CEP57: variants seen among roughly 807,000 people sequenced by gnomAD.
The protein encoded by CEP57 is centrosomal protein 57.
In CEP57, 40 loss-of-function variants were observed where a neutral mutation model predicts 68.0. The ratio of observed to expected loss-of-function variants is 0.59; its 90% CI spans 0.46 to 0.77. The LOEUF is 0.77. Ranked by LOEUF, CEP57 falls within the 30% of genes least tolerant of loss-of-function variation. The pLI, the probability that CEP57 is intolerant of heterozygous loss-of-function variation, is 0.00. For synonymous variants in CEP57, 219 were observed against 198.7 expected (o/e 1.10, Z -0.86); for missense variants, 606 against 580.7 (o/e 1.04, Z -0.45).
chr11:95,814,357 A>ATTTT (rs1170474932), intron 4 of CEP57, among the ~76,000 whole-genome samples: 5,750 of 109,692 alleles, frequency 0.052, 192 homozygotes, highest in Middle Eastern at 0.087. Context: ...CCTTGTGTGT[A>ATTTT]TTTTTTTTTT....
chr11:95,793,085 A>G (rs947524432), intron 1 of CEP57, among the ~76,000 whole-genome samples: 1 of 152,222 alleles, frequency 6.6e-6, no homozygotes, highest in Non-Finnish European at 1.5e-5. Context: ...TTACAGGCAA[A>G]GATTTTTAAC....
At chr11:95,805,614 G>A (rs1150349) in intron 2 of CEP57, among the ~76,000 whole-genome samples, 34,900 of 152,116 alleles carry the variant, frequency 0.23, 8,546 homozygotes, top group African/African-American at 0.62. Context: ...CCTACCTAGT[G>A]TATAGTTTAA....
chr11:95,827,606 A>G (rs1047022510), intron 8 of CEP57, 180 bp from the exon 9 acceptor site: 3 of 695,008 alleles, frequency 4.3e-6, no homozygotes, highest in Non-Finnish European at 7.1e-6. Flanking sequence ...ATTCTGAAAC[A>G]TAGTTAGTGG....
At chr11:95,819,266 C>T (rs1465711013) in intron 6 of CEP57, among the ~76,000 whole-genome samples, 1 of 152,158 alleles carries the variant, frequency 6.6e-6, no homozygotes, top group Non-Finnish European at 1.5e-5. Flanking sequence ...AGGTACTTCT[C>T]TTTGGTGGCC....
chr11:95,794,128 TTTC>T, intron 1 of CEP57: 1 of 359,848 alleles, frequency 2.8e-6, no homozygotes, highest in Non-Finnish European at 5.6e-6. Flanking sequence ...GTGCCATTCT[TTTC>T]ACTAGATCTT....
At chr11:95,807,772 G>A (rs2135294712) in intron 2 of CEP57, among the ~76,000 whole-genome samples, 1 of 152,304 alleles carries the variant, frequency 6.6e-6, no homozygotes, top group Middle Eastern at 3.4e-3. Flanking sequence ...CGGGGAGAAT[G>A]GAACCAAGTT....
chr11:95,820,473 C>A (rs188184294), intron 6 of CEP57, among the ~76,000 whole-genome samples: 108 of 151,444 alleles, frequency 7.1e-4, no homozygotes, highest in African/African-American at 2.5e-3. Flanking sequence ...TGCCTGTAAT[C>A]CTAGCTACTT....
chr11:95,812,280 A>G (rs570190256), intron 2 of CEP57, among the ~76,000 whole-genome samples: 1 of 152,200 alleles, frequency 6.6e-6, no homozygotes, highest in East Asian at 1.9e-4. Context: ...TATTAATAAG[A>G]CAGTAATGTA....
intron 2 of CEP57, among the ~76,000 whole-genome samples, chr11:95,811,104 T>C (rs569353936): frequency 6.6e-6 from 1 of 152,332 alleles, no homozygotes; most frequent in South Asian, 2.1e-4. Flanking sequence ...CAAAGGATTA[T>C]AAATCATGCT....
intron 4 of CEP57, chr11:95,815,037 G>A (rs1862245670): frequency 6.6e-6 from 1 of 152,208 alleles, no homozygotes. Flanking sequence ...GGAGAATAAT[G>A]TCAAGAGTAA....
At chr11:95,812,633 A>G (rs1224981608) in intron 2 of CEP57, among the ~76,000 whole-genome samples, 1 of 151,988 alleles carries the variant, frequency 6.6e-6, no homozygotes, top group African/African-American at 2.4e-5. Flanking sequence ...TAGTAGTGAC[A>G]GGGTTTCACT....
chr11:95,812,474 A>G (rs1280391830), intron 2 of CEP57, among the ~76,000 whole-genome samples: 1 of 151,938 alleles, frequency 6.6e-6, no homozygotes, highest in Non-Finnish European at 1.5e-5. Flanking sequence ...CCCAGGCTGG[A>G]GTGCAATGGT....
At chr11:95,805,400 C>G (rs1315743533) in intron 2 of CEP57, among the ~76,000 whole-genome samples, 1 of 152,024 alleles carries the variant, frequency 6.6e-6, no homozygotes, top group Admixed American at 6.6e-5. Flanking sequence ...TGTTTCATGT[C>G]TGCATTTTTT....
chr11:95,818,965 A>G, intron 6 of CEP57, 61 bp downstream of exon 6: 2 of 1,237,168 alleles, frequency 1.6e-6, no homozygotes, highest in Non-Finnish European at 2.4e-6. Context: ...GTGTACAAGT[A>G]AACAATTACA....
chr11:95,816,185 C>T (rs192266994), intron 4 of CEP57, among the ~76,000 whole-genome samples: 2 of 152,176 alleles, frequency 1.3e-5, no homozygotes, highest in Admixed American at 6.5e-5. Context: ...CATACATATT[C>T]TTCTTCACAT....
chr11:95,821,427 A>G (rs192311814), intron 6 of CEP57, among the ~76,000 whole-genome samples: 110 of 152,250 alleles, frequency 7.2e-4, no homozygotes, highest in African/African-American at 2.5e-3. Context: ...ATAAGTTTTC[A>G]ATTCCTTTTT....
At chr11:95,807,792 T>C (rs1366895907) in intron 2 of CEP57, among the ~76,000 whole-genome samples, 1 of 152,166 alleles carries the variant, frequency 6.6e-6, no homozygotes, top group Non-Finnish European at 1.5e-5. Context: ...TGGAAAACAC[T>C]CTTCAGGATA....
chr11:95,815,527 TTAA>T (rs1862264159), intron 4 of CEP57, among the ~76,000 whole-genome samples: 1 of 152,202 alleles, frequency 6.6e-6, no homozygotes, highest in Non-Finnish European at 1.5e-5. Flanking sequence ...TTATGGGAAC[TTAA>T]TAAAGAAAAG....
At chr11:95,810,737 A>G (rs1862022130) in intron 2 of CEP57, among the ~76,000 whole-genome samples, 2 of 152,256 alleles carry the variant, frequency 1.3e-5, no homozygotes, top group Admixed American at 6.5e-5. Flanking sequence ...ACTCATGGAT[A>G]GGAAGAATCA....
Sources: gnomAD v4.1 joint callset for allele counts (sites outside exome capture counted in the v4.1 genomes callset) on GRCh38, gnomAD v4.1.1 for gene constraint, MANE v1.5 for transcripts, NCBI Gene and HGNC (gene_info 2026-07-23, HGNC 2026-07-21) for gene names.